SULT1C4: variants seen among roughly 807,000 people sequenced by gnomAD.
The protein encoded by SULT1C4 is sulfotransferase family 1C member 4.
A neutral mutation model predicts 34.8 loss-of-function variants in SULT1C4; 32 were observed. The observed-to-expected ratio is 0.92, with a 90% confidence interval of 0.69 to 1.23. The LOEUF (loss-of-function observed/expected upper bound fraction) is 1.23, where lower values mean the gene tolerates loss of function less well. SULT1C4 is among the 50% of genes most tolerant of loss of function. SULT1C4 has a pLI of 0.00. For synonymous variants in SULT1C4, 111 were observed against 120.5 expected, an observed-to-expected ratio of 0.92 and a Z score of 0.51; for missense variants, 375 against 365.9, an observed-to-expected ratio of 1.02 and a Z score of -0.20.
intron 3 of SULT1C4, 70 bp from the exon 4 acceptor site, chr2:108,383,023 A>C: frequency 6.8e-7 from 1 of 1,462,432 alleles, no homozygotes; most frequent in Non-Finnish European, 9.0e-7. Context: ...CTGGGCAGTA[A>C]CAGCAAAAAA....
At position 108,383,220 on chromosome 2, in the gene SULT1C4, G is replaced by A; in HGVS notation, c.520+1G>A. ...TTTGAGACTTTTCTGGCTGGGAAAG[G>A]TGAGAGAATTTAGCTTTGTTTCCCT... On this transcript the variant is annotated splice_donor_variant, in intron 4 of 6. Transcript: ENST00000272452. LOFTEE classifies it high-confidence loss of function. The A allele has an allele frequency of 6.2e-7, 1 of 1,608,268 alleles. No homozygotes were observed.
chr2:108,378,803 A>G (rs4149431), intron 1 of SULT1C4, among the ~76,000 whole-genome samples: 56,379 of 149,186 alleles, frequency 0.38, 14,244 homozygotes, highest in African/African-American at 0.72. Context: ...TTATTTATTC[A>G]TTCCCAATCT....
chr2:108,387,795 ATT>A lies in SULT1C4; in HGVS notation c.*381_*382del, dbSNP rs57444248. 1.6e-3 allele frequency: 221 copies of A among 140,690 alleles called. 1 individual carries two copies. Among genetic ancestry groups the A allele is most frequent in the Middle Eastern group, 3.5e-3 (1 of 282 alleles). 8.7% of individuals were successfully genotyped at this position (140,690 alleles called of 1,614,324 possible). ...TCAGATTAAGTTTTGGTTCAAGTTAATTTTTTTTTTTTTTTTTTTGAGACGGA... is the reference window on the plus strand; with the variant it reads ...TCAGATTAAGTTTTGGTTCAAGTTAATTTTTTTTTTTTTTTTTGAGACGGA... On this transcript the variant is annotated 3_prime_UTR_variant, in exon 7 of 7. Coordinates refer to ENST00000272452, the MANE Select transcript of SULT1C4 (RefSeq NM_006588.4).
Position 108,388,653 on chromosome 2 carries a change from A to C in SULT1C4, c.*1221A>C, listed in dbSNP as rs1678631601. The stretch of plus-strand genomic sequence containing the variant: ...AAAGATAAATCCCAAGATTTTAGCC[A>C]TGCATTCAAGAGCAGCTATAACCAT... On this transcript the variant is annotated 3_prime_UTR_variant, in exon 7 of 7. Coordinates refer to ENST00000272452, the MANE Select transcript of SULT1C4 (RefSeq NM_006588.4). Among the ~76,000 whole-genome samples, 3 of 152,222 alleles carry C rather than the reference A, an allele frequency of 2.0e-5. No homozygotes were observed. Among genetic ancestry groups the C allele is most frequent in the Non-Finnish European group, 2.9e-5 (2 of 68,048 alleles).
chr2:108,386,311 A>G lies in SULT1C4; in HGVS notation c.735A>G (p.Ala245=). ...SFDVMKQNPM[A]NYSSIPAEIM... is the part of the protein sequence containing the mutation. ...ATGTCATGAAACAGAATCCAATGGC[A>G]AACTATTCATCGATTCCTGCTGAAA... Residue 245 remains alanine, a synonymous_variant, in exon 6 of 7, where the codon GCA becomes GCG. Coordinates refer to ENST00000272452, the MANE Select transcript of SULT1C4 (RefSeq NM_006588.4). The G allele has an allele frequency of 6.3e-6, 10 of 1,582,478 alleles. No homozygotes were observed. In the South Asian group the frequency reaches 1.2e-4, roughly 19 times the overall value.
Position 108,386,223 on chromosome 2 carries a change from A to C in SULT1C4, c.647A>C (p.Glu216Ala), listed in dbSNP as rs1347358178. Reference sequence around the variant, plus strand: ...AAGCATGAAATTCAGAAGCTGGCAGAATTTATTGGGAAGAAATTAGATGAC... The same window carrying C: ...AAGCATGAAATTCAGAAGCTGGCAGCATTTATTGGGAAGAAATTAGATGAC... ...NPKHEIQKLAEFIGKKLDDKV... is the reference protein window; with the variant it reads ...NPKHEIQKLAAFIGKKLDDKV... The change falls in exon 6 of 7, where the codon GAA becomes GCA. Residue 216 changes from glutamate (E) to alanine (A), a missense_variant. Physicochemically the swap from Glu to Ala is moderately radical, Grantham distance 107. Coordinates refer to ENST00000272452, the MANE Select transcript of SULT1C4 (RefSeq NM_006588.4). 1.3e-6 allele frequency: 2 copies of C among 1,538,218 alleles called. No homozygotes were observed.
chr2:108,386,076 AT>A, intron 5 of SULT1C4, 115 bp from the exon 6 acceptor site: 1 of 819,346 alleles, frequency 1.2e-6, no homozygotes, highest in Non-Finnish European at 1.7e-6. Context: ...ATTTGTTAAG[AT>A]TTGTTTTTTA....
chr2:108,381,033 A>G (rs139846579), intron 1 of SULT1C4, among the ~76,000 whole-genome samples: 1 of 152,322 alleles, frequency 6.6e-6, no homozygotes, highest in African/African-American at 2.4e-5. Context: ...TGGTTCACTC[A>G]TTCAGCCAAC....
intron 6 of SULT1C4, among the ~76,000 whole-genome samples, chr2:108,387,112 G>A (rs1282128901): frequency 6.6e-6 from 1 of 152,222 alleles, no homozygotes; most frequent in Non-Finnish European, 1.5e-5. Flanking sequence ...GCAACCAGGT[G>A]GCAAGAGACT....
intron 5 of SULT1C4, among the ~76,000 whole-genome samples, chr2:108,384,963 C>T (rs928373187): frequency 2.6e-5 from 4 of 152,170 alleles, no homozygotes; most frequent in African/African-American, 9.7e-5. Context: ...AGATGCACTT[C>T]TCTAAGGTTC....
At chr2:108,379,633 A>C (rs1278463590) in intron 1 of SULT1C4, among the ~76,000 whole-genome samples, 7 of 152,230 alleles carry the variant, frequency 4.6e-5, no homozygotes, top group East Asian at 3.8e-4. Context: ...CAAAAAGCAC[A>C]CTAAGAAAAT....
In SULT1C4 at chr2:108,388,402, G is replaced by T. The variant is rs1036085687; in HGVS notation, c.*970G>T. Among the ~76,000 whole-genome samples, 2 of 152,008 alleles carry T rather than the reference G, an allele frequency of 1.3e-5. No homozygotes were observed. ...AGAAAATCTGTCAGTTTTAATCTACGAAATCTCTTAAAATATTTCCGTCTA... is the reference window on the plus strand; with the variant it reads ...AGAAAATCTGTCAGTTTTAATCTACTAAATCTCTTAAAATATTTCCGTCTA... On this transcript the variant is annotated 3_prime_UTR_variant, in exon 7 of 7. Coordinates refer to ENST00000272452, the MANE Select transcript of SULT1C4 (RefSeq NM_006588.4).
chr2:108,379,153 G>C (rs1558699759), intron 1 of SULT1C4, among the ~76,000 whole-genome samples: 1 of 152,118 alleles, frequency 6.6e-6, no homozygotes, highest in Admixed American at 6.6e-5. Flanking sequence ...ATATCTACTA[G>C]AAATACATTA....
At chr2:108,385,568 G>C (rs41323848) in intron 5 of SULT1C4, among the ~76,000 whole-genome samples, 9 of 151,886 alleles carry the variant, frequency 5.9e-5, no homozygotes, top group Non-Finnish European at 1.5e-5. Context: ...TTCCCCACCC[G>C]CCCTCTGCTC....
chr2:108,383,594 T>C, intron 5 of SULT1C4, 84 bp downstream of exon 5: 1 of 1,267,222 alleles, frequency 7.9e-7, no homozygotes, highest in Non-Finnish European at 1.1e-6. Flanking sequence ...GGGACTCAGA[T>C]TGATGCGGGG....
chr2:108,383,850 T>C (rs1678495589), intron 5 of SULT1C4, among the ~76,000 whole-genome samples: 1 of 147,296 alleles, frequency 6.8e-6, no homozygotes, highest in African/African-American at 2.6e-5. Flanking sequence ...TCTTTGGTTT[T>C]TGGGTTTTTT....
At chr2:108,382,032 G>A in intron 2 of SULT1C4, 145 bp downstream of exon 2, 1 of 893,036 alleles carries the variant, frequency 1.1e-6, no homozygotes, top group Non-Finnish European at 1.6e-6. Context: ...TCTGGCCATT[G>A]TTATACTCCA....
rs528192461 is a variant in SULT1C4, at chr2:108,379,056, G to A, written c.169+550G>A. ...TTAACAAAGTTGTCTGTAAAAGTAG[G>A]ACTAGCTTAAGCCGAGCCACCACGT... On this transcript the variant is annotated intron_variant, in intron 1 of 6. Transcript: ENST00000272452. Among the ~76,000 whole-genome samples, 9 of 152,234 alleles carry A rather than the reference G, an allele frequency of 5.9e-5. No individual in the cohort carries two copies. The East Asian group carries it at 1.7e-3, about 29-fold the overall frequency.
In SULT1C4 at chr2:108,388,529, T is replaced by C. The variant is rs1678629321; in HGVS notation, c.*1097T>C. Among the ~76,000 whole-genome samples, 1 of 152,312 alleles carries C rather than the reference T, an allele frequency of 6.6e-6. No individual in the cohort carries two copies. Among genetic ancestry groups the C allele is most frequent in the East Asian group, 1.9e-4 (1 of 5,190 alleles). Reference sequence around the variant, plus strand: ...GTAATAGCTTCCTAACCCATTTCTCTCTATTTCAGACAGATGGCAAGGTTA... The same window carrying C: ...GTAATAGCTTCCTAACCCATTTCTCCCTATTTCAGACAGATGGCAAGGTTA... On this transcript the variant is annotated 3_prime_UTR_variant, in exon 7 of 7. Coordinates refer to ENST00000272452, the MANE Select transcript of SULT1C4 (RefSeq NM_006588.4).
Sources: gnomAD v4.1 joint callset for allele counts (sites outside exome capture counted in the v4.1 genomes callset) on GRCh38, gnomAD v4.1.1 for gene constraint, MANE v1.5 for transcripts, NCBI Gene and HGNC (gene_info 2026-07-23, HGNC 2026-07-21) for gene names.